The following PDE10A variants were observed in gnomAD, a reference collection of about 807,000 sequenced individuals.
The protein encoded by PDE10A is cAMP and cAMP-inhibited cGMP 3',5'-cyclic phosphodiesterase 10A.
In PDE10A, 39 loss-of-function variants were observed where a neutral mutation model predicts 97.7. That is an observed-to-expected ratio of 0.40 (90% CI 0.31 to 0.52). PDE10A has a LOEUF of 0.52. Ranked by LOEUF, PDE10A falls within the 20% of genes least tolerant of loss-of-function variation. The pLI, the probability that PDE10A is intolerant of heterozygous loss-of-function variation, is 0.56. For missense variants in PDE10A, 731 were observed against 1,047.8 expected (o/e 0.70, Z 4.17); for synonymous variants, 371 against 376.8 (o/e 0.98, Z 0.18).
intron 1 of PDE10A, chr6:165,894,196 TC>T (rs1351624217): frequency 2.4e-6 from 1 of 413,796 alleles, no homozygotes; most frequent in Admixed American, 2.7e-5. Context: ...AAGAGTGCTT[TC>T]CGAAGGAGAG....
chr6:165,463,677 C>T lies in PDE10A; in HGVS notation c.1024-13315G>A, dbSNP rs528904002. 4.9e-5 allele frequency among the ~76,000 whole-genome samples: 7 copies of T among 144,052 alleles called. No individual in the cohort carries two copies. In the South Asian group the frequency reaches 6.2e-4, roughly 13 times the overall value. 94.5% of individuals were successfully genotyped at this position (144,052 alleles called of 152,430 possible). A position where few individuals can be genotyped will look rare whatever the true frequency, so the allele number is the denominator to read the frequency against. ...GAAGGGGGACATGTTGGGAATAAGC[C>T]CCCCCCAAAAATCTGGCCATAAACT... On this transcript the variant is annotated intron_variant, in intron 3 of 21. Transcript: ENST00000539869.
intron 1 of PDE10A, among the ~76,000 whole-genome samples, chr6:165,599,871 C>T (rs901098255): frequency 6.6e-6 from 1 of 152,136 alleles, no homozygotes; most frequent in Non-Finnish European, 1.5e-5. Context: ...CCTAGGAACG[C>T]AGTCTTGCAC....
intron 1 of PDE10A, among the ~76,000 whole-genome samples, chr6:165,910,299 G>A (rs1782415726): frequency 6.6e-6 from 1 of 152,214 alleles, no homozygotes; most frequent in Non-Finnish European, 1.5e-5. Context: ...GAAAACTCAG[G>A]CAGTCAGAAA....
chr6:165,485,324 C>T (rs994057548), intron 2 of PDE10A, among the ~76,000 whole-genome samples: 4 of 151,774 alleles, frequency 2.6e-5, no homozygotes, highest in African/African-American at 4.8e-5. Context: ...AAAAATTAGC[C>T]GGGCATGGTG....
intron 18 of PDE10A, among the ~76,000 whole-genome samples, chr6:165,376,886 G>A (rs1013889779): frequency 2.0e-5 from 3 of 152,082 alleles, no homozygotes; most frequent in Non-Finnish European, 4.4e-5. Context: ...GCCACTGCAT[G>A]TTGACAGGCT....
intron 1 of PDE10A, among the ~76,000 whole-genome samples, chr6:165,758,887 TCTC>T (rs549241428): frequency 1.9e-3 from 283 of 152,322 alleles, no homozygotes; most frequent in Non-Finnish European, 2.3e-3. Flanking sequence ...TTGCAGTTCT[TCTC>T]CTTATCACAT....
chr6:165,609,536 G>A (rs567288616), intron 1 of PDE10A, among the ~76,000 whole-genome samples: 2 of 152,108 alleles, frequency 1.3e-5, no homozygotes, highest in Non-Finnish European at 2.9e-5. Context: ...AGAAATAAAG[G>A]GTATTCAAGC....
chr6:165,375,959 A>G (rs1361348736), intron 18 of PDE10A, among the ~76,000 whole-genome samples: 2 of 152,228 alleles, frequency 1.3e-5, no homozygotes, highest in Non-Finnish European at 2.9e-5. Flanking sequence ...GTTACTGCTC[A>G]TTGACAATGA....
chr6:165,630,506 G>T (rs1398237408), intron 1 of PDE10A, among the ~76,000 whole-genome samples: 1 of 152,082 alleles, frequency 6.6e-6, no homozygotes, highest in Non-Finnish European at 1.5e-5. Context: ...GTCAAAAAAA[G>T]ATTTTAGAAA....
intron 1 of PDE10A, among the ~76,000 whole-genome samples, chr6:165,700,709 C>T (rs1308060309): frequency 6.6e-6 from 1 of 152,154 alleles, no homozygotes; most frequent in African/African-American, 2.4e-5. Context: ...AGTATTGCAC[C>T]ACAAGGCTAC....
chr6:165,919,053 A>G (rs1022925627), intron 1 of PDE10A, among the ~76,000 whole-genome samples: 1 of 152,192 alleles, frequency 6.6e-6, no homozygotes, highest in Non-Finnish European at 1.5e-5. Context: ...GAATAAACAT[A>G]GAGAAGATAA....
chr6:165,772,510 G>C (rs905044242), intron 1 of PDE10A, among the ~76,000 whole-genome samples: 1 of 152,108 alleles, frequency 6.6e-6, no homozygotes, highest in Non-Finnish European at 1.5e-5. Flanking sequence ...CTGTGTCCAG[G>C]GCCCGCGTTG....
intron 1 of PDE10A, among the ~76,000 whole-genome samples, chr6:165,552,384 T>A (rs149109916): frequency 1.3e-4 from 20 of 152,320 alleles, no homozygotes; most frequent in East Asian, 5.8e-4. Context: ...CTGGGGGTGT[T>A]CCCAGTCAAC....
intron 1 of PDE10A, among the ~76,000 whole-genome samples, chr6:165,689,564 C>A (rs972453181): frequency 1.3e-5 from 2 of 152,150 alleles, no homozygotes; most frequent in Non-Finnish European, 2.9e-5. Flanking sequence ...TGTTAGTTCA[C>A]GTGAGATCTG....
intron 2 of PDE10A, among the ~76,000 whole-genome samples, chr6:165,524,548 T>C (rs1782313885): frequency 6.6e-6 from 1 of 152,088 alleles, no homozygotes; most frequent in Admixed American, 6.5e-5. Flanking sequence ...CATAATGAAG[T>C]TGGTTGGTTG....
intron 17 of PDE10A, among the ~76,000 whole-genome samples, chr6:165,384,649 T>G (rs1289561288): frequency 7.1e-4 from 36 of 50,548 alleles, no homozygotes; most frequent in African/African-American, 2.3e-3. Context: ...TGTGTGTGTG[T>G]GTGTGTGTGT....
intron 1 of PDE10A, among the ~76,000 whole-genome samples, chr6:165,932,901 C>T (rs994646941): frequency 3.9e-5 from 6 of 152,214 alleles, no homozygotes; most frequent in Non-Finnish European, 7.3e-5. Flanking sequence ...CTCCACAACC[C>T]CTCCAAGGAG....
chr6:165,499,482 T>C (rs676389), intron 2 of PDE10A, among the ~76,000 whole-genome samples: 27,850 of 152,162 alleles, frequency 0.18, 3,373 homozygotes, highest in African/African-American at 0.33. Context: ...AATGCGGCTC[T>C]TGTTAACACC....
At chr6:165,539,758 T>TAA (rs11419681) in intron 2 of PDE10A, among the ~76,000 whole-genome samples, 196 of 146,264 alleles carry the variant, frequency 1.3e-3, no homozygotes, top group Middle Eastern at 3.4e-3. Context: ...CTGTCTCTAA[T>TAA]AAAAAAAAAA....
Sources: allele counts gnomAD v4.1 joint callset (sites outside exome capture counted in the v4.1 genomes callset), GRCh38; gene constraint gnomAD v4.1.1; transcripts MANE v1.5; gene names NCBI Gene and HGNC (gene_info 2026-07-23, HGNC 2026-07-21).